The following GUCY1A2 variants were observed in gnomAD, a reference collection of about 807,000 sequenced individuals.
GUCY1A2 encodes the protein guanylate cyclase soluble subunit alpha-2.
A neutral mutation model predicts 63.5 loss-of-function variants in GUCY1A2; 27 were observed. That is an observed-to-expected ratio of 0.43 (90% CI 0.31 to 0.59). GUCY1A2 has a LOEUF of 0.59. GUCY1A2 is among the 20% of genes least tolerant of loss of function. The pLI is 0.11. For synonymous variants in GUCY1A2, 364 were observed against 343.5 expected, an observed-to-expected ratio of 1.06 and a Z score of -0.66; for missense variants, 768 against 913.3, an observed-to-expected ratio of 0.84 and a Z score of 2.05.
At chr11:106,896,549 A>G (rs928938949) in intron 4 of GUCY1A2, among the ~76,000 whole-genome samples, 2 of 152,226 alleles carry the variant, frequency 1.3e-5, no homozygotes, top group African/African-American at 4.8e-5. Flanking sequence ...CCAATGCAAC[A>G]GTATTAAGAA....
At chr11:106,846,483 A>G (rs1320408708) in intron 4 of GUCY1A2, among the ~76,000 whole-genome samples, 2 of 151,676 alleles carry the variant, frequency 1.3e-5, no homozygotes, top group African/African-American at 4.8e-5. Flanking sequence ...GACTTAGCAC[A>G]TGGTAAAGAC....
intron 5 of GUCY1A2, among the ~76,000 whole-genome samples, chr11:106,792,867 A>T (rs1864688817): frequency 6.6e-6 from 1 of 152,218 alleles, no homozygotes; most frequent in Non-Finnish European, 1.5e-5. Flanking sequence ...TAATATATTG[A>T]TTAAAGAAAT....
chr11:106,747,310 A>G (rs956949466), intron 6 of GUCY1A2, among the ~76,000 whole-genome samples: 1 of 152,142 alleles, frequency 6.6e-6, no homozygotes, highest in African/African-American at 2.4e-5. Flanking sequence ...AATGTGAGAA[A>G]TTCTAGGTTT....
chr11:106,746,174 A>AC (rs1359171535), intron 6 of GUCY1A2, among the ~76,000 whole-genome samples: 7 of 152,170 alleles, frequency 4.6e-5, no homozygotes, highest in Non-Finnish European at 1.5e-5. Flanking sequence ...CCTGGAGAGC[A>AC]GTAGCTCATA....
At chr11:106,936,973 T>G (rs1333241527) in intron 4 of GUCY1A2, among the ~76,000 whole-genome samples, 1 of 152,182 alleles carries the variant, frequency 6.6e-6, no homozygotes, top group Non-Finnish European at 1.5e-5. Context: ...TTTTACATAT[T>G]ATTTTTCTTT....
At chr11:106,987,652 C>CA (rs59863037) in intron 1 of GUCY1A2, among the ~76,000 whole-genome samples, 14,735 of 108,690 alleles carry the variant, frequency 0.14, 996 homozygotes, top group African/African-American at 0.2. Flanking sequence ...GACTCTGCCT[C>CA]AAAAAAAAAA....
intron 6 of GUCY1A2, among the ~76,000 whole-genome samples, chr11:106,752,228 T>C (rs1591261756): frequency 2.0e-5 from 3 of 152,234 alleles, no homozygotes; most frequent in Admixed American, 6.5e-5. Flanking sequence ...TAACAAAACC[T>C]AATATAAATA....
At chr11:106,933,202 C>G (rs1860627964) in intron 4 of GUCY1A2, among the ~76,000 whole-genome samples, 1 of 152,072 alleles carries the variant, frequency 6.6e-6, no homozygotes, top group Non-Finnish European at 1.5e-5. Context: ...TATTCATAAA[C>G]TATGCATCTA....
chr11:106,852,718 T>A (rs1177436060), intron 4 of GUCY1A2, among the ~76,000 whole-genome samples: 1 of 152,154 alleles, frequency 6.6e-6, no homozygotes, highest in South Asian at 2.1e-4. Flanking sequence ...CTAGATTTTG[T>A]TGAGGAGTTT....
chr11:106,945,960 A>G (rs1591338139), intron 3 of GUCY1A2, among the ~76,000 whole-genome samples: 1 of 152,084 alleles, frequency 6.6e-6, no homozygotes, highest in African/African-American at 2.4e-5. Context: ...AGCGAAACCC[A>G]TCTCAAAAAA....
intron 7 of GUCY1A2, among the ~76,000 whole-genome samples, chr11:106,707,823 A>G (rs1862943185): frequency 1.3e-5 from 2 of 152,122 alleles, no homozygotes; most frequent in Admixed American, 6.6e-5. Flanking sequence ...GATTACCTTT[A>G]AGATAAAAAG....
At position 106,977,142 on chromosome 11, in the gene GUCY1A2, C is replaced by A. The variant is rs11211994; in HGVS notation, c.487+1477G>T. On this transcript the variant is annotated intron_variant, in intron 3 of 7. Coordinates refer to ENST00000526355, the MANE Select transcript of GUCY1A2 (RefSeq NM_000855.3). ...TTAGAAACTGGATAAGAAGCAACTT[C>A]TCAAAATATTAAACATCCCTTCACT... Among the ~76,000 whole-genome samples, 20 of 152,298 alleles carry A rather than the reference C, an allele frequency of 1.3e-4. No homozygotes were observed. In the East Asian group the frequency reaches 3.9e-3, roughly 29 times the overall value.
intron 4 of GUCY1A2, among the ~76,000 whole-genome samples, chr11:106,834,827 A>C (rs1034636920): frequency 6.6e-6 from 1 of 152,000 alleles, no homozygotes; most frequent in African/African-American, 2.4e-5. Context: ...ATTTAGCTTT[A>C]CCTTAGCAGC....
Position 106,894,460 on chromosome 11 carries a change from A to G in GUCY1A2, c.1206+45000T>C, listed in dbSNP as rs113057333. Among the ~76,000 whole-genome samples the G allele has an allele frequency of 4.6e-5, 7 of 152,188 alleles. No individual in the cohort carries two copies. In the East Asian group the frequency reaches 1.3e-3, roughly 29 times the overall value. On this transcript the variant is annotated intron_variant, in intron 4 of 7. Transcript: ENST00000526355. ...CATCAATCAACTGGATATAATGCAT[A>G]TCTAAAGGCTACTTAATCCAACAAA...
intron 5 of GUCY1A2, among the ~76,000 whole-genome samples, chr11:106,780,092 T>G (rs1237104750): frequency 6.6e-6 from 1 of 152,094 alleles, no homozygotes; most frequent in East Asian, 1.9e-4. Flanking sequence ...GCCCAGGAGA[T>G]CAAGGCTGCA....
At chr11:106,776,619 T>C (rs777789700) in intron 5 of GUCY1A2, 37 bp from the exon 6 acceptor site, 1 of 1,595,682 alleles carries the variant, frequency 6.3e-7, no homozygotes. Flanking sequence ...AAACGTATGA[T>C]AATGAGCCCA....
rs558802297 is a variant in GUCY1A2, at chr11:106,944,217, A to G, written c.488-4039T>C. Among the ~76,000 whole-genome samples the G allele has an allele frequency of 2.8e-3, 367 of 128,830 alleles. 2 individuals carry two copies. The highest frequency in any genetic ancestry group is 4.6e-3 in the Non-Finnish European group (270 of 59,316). 84.5% of individuals were successfully genotyped at this position (128,830 alleles called of 152,430 possible). A position where few individuals can be genotyped will look rare whatever the true frequency, so the allele number is the denominator to read the frequency against. ...GCAACAGAGTGAGACCCTGTCTCCA[A>G]AAAAAAAAAAAAAAAAAAAGCAGGT... is the stretch of plus-strand genomic sequence containing the variant. On this transcript the variant is annotated intron_variant, in intron 3 of 7. Coordinates refer to ENST00000526355, the MANE Select transcript of GUCY1A2 (RefSeq NM_000855.3).
chr11:106,799,897 T>C (rs1414420520), intron 5 of GUCY1A2, among the ~76,000 whole-genome samples: 1 of 152,208 alleles, frequency 6.6e-6, no homozygotes, highest in East Asian at 1.9e-4. Flanking sequence ...AAATGGGATC[T>C]AATTAAACTA....
chr11:106,747,786 G>A (rs992726583), intron 6 of GUCY1A2, among the ~76,000 whole-genome samples: 6 of 152,176 alleles, frequency 3.9e-5, no homozygotes, highest in Admixed American at 3.9e-4. Flanking sequence ...TGGGGAGGTC[G>A]GGCTTCCAGG....
Sources: gnomAD v4.1 joint callset for allele counts (sites outside exome capture counted in the v4.1 genomes callset) on GRCh38, gnomAD v4.1.1 for gene constraint, MANE v1.5 for transcripts, NCBI Gene and HGNC (gene_info 2026-07-23, HGNC 2026-07-21) for gene names.